The following NCOA6 variants were observed in gnomAD, a reference collection of about 807,000 sequenced individuals.
The protein encoded by NCOA6 is nuclear receptor coactivator 6.
A neutral mutation model predicts 171.4 loss-of-function variants in NCOA6; 49 were observed. That is an observed-to-expected ratio of 0.29 (90% CI 0.23 to 0.36). The LOEUF is 0.36. Among genes scored for constraint, NCOA6 ranks in the 10% least tolerant of loss-of-function variants. NCOA6 has a pLI of 1.00. For synonymous variants in NCOA6, 910 were observed against 927.5 expected, an observed-to-expected ratio of 0.98 and a Z score of 0.34; for missense variants, 2,248 against 2,554.5, an observed-to-expected ratio of 0.88 and a Z score of 2.59.
chr20:34,735,662 C>G (rs1464942516), intron 12 of NCOA6, among the ~76,000 whole-genome samples: 1 of 150,370 alleles, frequency 6.7e-6, no homozygotes, highest in Non-Finnish European at 1.5e-5. Flanking sequence ...AAAAGAAAAA[C>G]AAAAAGAAAA....
intron 5 of NCOA6, among the ~76,000 whole-genome samples, chr20:34,765,056 G>A (rs6120716): frequency 6.6e-6 from 1 of 151,842 alleles, no homozygotes; most frequent in Non-Finnish European, 1.5e-5. Flanking sequence ...AGGAGGTACA[G>A]GTTGCAGTGA....
chr20:34,740,842 C>T lies in NCOA6; in HGVS notation c.5414G>A (p.Gly1805Asp), dbSNP rs777861502. ...PLLTNSPGSS[G>D]NRRSPVSSSK... ...AGACGAGACTGGGCTTCGCCGGTTG[C>T]CAGAGGACCCTGGACTATTGGTCAA... The change falls in exon 11 of 15, where the codon GGC (glycine) becomes GAC (aspartate). Residue 1805 changes from glycine to aspartate, a missense_variant. Coordinates refer to ENST00000359003, the MANE Select transcript of NCOA6 (RefSeq NM_014071.5). 3.1e-6 allele frequency: 5 copies of T among 1,614,214 alleles called. No homozygotes were observed. Among genetic ancestry groups the T allele is most frequent in the Non-Finnish European group, 3.4e-6 (4 of 1,180,040 alleles).
chr20:34,774,994 C>T (rs575251849), intron 4 of NCOA6, among the ~76,000 whole-genome samples: 2 of 152,280 alleles, frequency 1.3e-5, no homozygotes, highest in South Asian at 4.1e-4. Context: ...TCAGAAAATA[C>T]ATCCTCAAGA....
At chr20:34,723,083 G>C (rs1389792680) in intron 14 of NCOA6, among the ~76,000 whole-genome samples, 1 of 152,156 alleles carries the variant, frequency 6.6e-6, no homozygotes, top group East Asian at 1.9e-4. Flanking sequence ...TGAGTTCTAT[G>C]AGCCACTCTA....
At chr20:34,825,139 G>A (rs929165792) in intron 1 of NCOA6, among the ~76,000 whole-genome samples, 1 of 151,938 alleles carries the variant, frequency 6.6e-6, no homozygotes, top group Non-Finnish European at 1.5e-5. Flanking sequence ...CAGGCCTGGA[G>A]CGCCACCCCG....
At chr20:34,820,184 C>G (rs1219320861) in intron 1 of NCOA6, 1 of 151,896 alleles carries the variant, frequency 6.6e-6, no homozygotes, top group Non-Finnish European at 1.5e-5. Context: ...GAGTTCCAGA[C>G]TAGCCTGGGC....
At chr20:34,738,972 A>G in intron 11 of NCOA6, 1 of 455,980 alleles carries the variant, frequency 2.2e-6, no homozygotes, top group Non-Finnish European at 4.4e-6. Context: ...CTGGCCTAGG[A>G]TATCGTAAAG....
In NCOA6 at chr20:34,767,954, C is replaced by T. The variant is rs1012421326; in HGVS notation, c.514+510G>A. Among the ~76,000 whole-genome samples the T allele has an allele frequency of 3.0e-4, 45 of 152,146 alleles. 1 individual carries two copies. The highest frequency in any genetic ancestry group is 1.1e-3 in the African/African-American group (45 of 41,430). On this transcript the variant is annotated intron_variant, in intron 5 of 14. Coordinates refer to ENST00000359003, the MANE Select transcript of NCOA6 (RefSeq NM_014071.5). Reference sequence around the variant, plus strand: ...TCAATCTCAGAATATTGAGTTCAATCTCTGAAGAAGAAATTTCAGGATTAC... The same window carrying T: ...TCAATCTCAGAATATTGAGTTCAATTTCTGAAGAAGAAATTTCAGGATTAC...
At chr20:34,754,090 G>A (rs1047969015) in intron 8 of NCOA6, among the ~76,000 whole-genome samples, 7 of 152,108 alleles carry the variant, frequency 4.6e-5, no homozygotes, top group African/African-American at 1.7e-4. Context: ...GGTAGTAAAC[G>A]TGAACTGATG....
rs554433408 is a variant in NCOA6, at chr20:34,788,316, G to A, written c.-50+4134C>T. ...TGACCTCAGGTGATCCACCCGCCTC[G>A]GCCTCCCAAAGTGTTGGGATTACAG... On this transcript the variant is annotated intron_variant, in intron 2 of 14. Transcript: ENST00000359003. Among the ~76,000 whole-genome samples the A allele has an allele frequency of 2.7e-4, 41 of 152,098 alleles. 1 individual carries two copies. In the East Asian group the frequency reaches 7.4e-3, roughly 27 times the overall value.
At chr20:34,788,185 T>G (rs1051317045) in intron 2 of NCOA6, among the ~76,000 whole-genome samples, 2 of 151,874 alleles carry the variant, frequency 1.3e-5, no homozygotes, top group Non-Finnish European at 2.9e-5. Flanking sequence ...TTTATTTTAA[T>G]TTTTTTGAGA....
intron 8 of NCOA6, among the ~76,000 whole-genome samples, chr20:34,751,197 C>T (rs989469668): frequency 6.7e-6 from 1 of 148,794 alleles, no homozygotes; most frequent in Non-Finnish European, 1.5e-5. Context: ...GGTGAAACCC[C>T]GTCTCTACTA....
intron 5 of NCOA6, among the ~76,000 whole-genome samples, chr20:34,764,759 T>G (rs1216426123): frequency 6.6e-6 from 1 of 152,108 alleles, no homozygotes; most frequent in African/African-American, 2.4e-5. Flanking sequence ...CTGTTGAAAC[T>G]GGATCTGTTT....
chr20:34,788,582 T>C (rs898269384), intron 2 of NCOA6, among the ~76,000 whole-genome samples: 1 of 152,196 alleles, frequency 6.6e-6, no homozygotes, highest in Non-Finnish European at 1.5e-5. Context: ...CAATTTGGTC[T>C]GGTGTTCAAG....
intron 1 of NCOA6, among the ~76,000 whole-genome samples, chr20:34,801,260 A>T (rs1261529643): frequency 6.6e-6 from 1 of 152,182 alleles, no homozygotes; most frequent in Non-Finnish European, 1.5e-5. Context: ...AAAAGTAGAA[A>T]AATTTCAAAT....
chr20:34,822,259 C>T (rs921600935), intron 1 of NCOA6, among the ~76,000 whole-genome samples: 6 of 152,164 alleles, frequency 3.9e-5, no homozygotes, highest in Non-Finnish European at 7.4e-5. Context: ...CCTCTCTCAG[C>T]TAAGGATTCA....
chr20:34,779,396 C>T (rs1478370487), intron 3 of NCOA6, among the ~76,000 whole-genome samples: 3 of 152,066 alleles, frequency 2.0e-5, no homozygotes, highest in South Asian at 2.1e-4. Context: ...CGCCTGTAGT[C>T]CCAGCTACTT....
chr20:34,776,562 A>G (rs972572666), intron 3 of NCOA6, 114 bp from the exon 4 acceptor site: 3 of 1,186,154 alleles, frequency 2.5e-6, no homozygotes, highest in African/African-American at 1.5e-5. Context: ...AGCTTGGAAT[A>G]GCTAACAGAG....
At chr20:34,789,599 C>A (rs2077801955) in intron 2 of NCOA6, among the ~76,000 whole-genome samples, 1 of 152,054 alleles carries the variant, frequency 6.6e-6, no homozygotes, top group Non-Finnish European at 1.5e-5. Context: ...ATGGTGAAAC[C>A]CCATTTCTAC....
Sources: gnomAD v4.1 joint callset for allele counts (sites outside exome capture counted in the v4.1 genomes callset) on GRCh38, gnomAD v4.1.1 for gene constraint, MANE v1.5 for transcripts, NCBI Gene and HGNC (gene_info 2026-07-23, HGNC 2026-07-21) for gene names.